TMEM132D: variants seen among roughly 807,000 people sequenced by gnomAD.
The protein encoded by TMEM132D is transmembrane protein 132D.
A neutral mutation model predicts 62.3 loss-of-function variants in TMEM132D; 21 were observed. The ratio of observed to expected loss-of-function variants is 0.34; its 90% CI spans 0.24 to 0.49. The LOEUF (loss-of-function observed/expected upper bound fraction) is 0.49, where lower values mean the gene tolerates loss of function less well. Among genes scored for constraint, TMEM132D ranks in the 20% least tolerant of loss-of-function variants. The pLI, the probability that TMEM132D is intolerant of heterozygous loss-of-function variation, is 0.99. For missense variants in TMEM132D, 1,346 were observed against 1,402.8 expected, an observed-to-expected ratio of 0.96 and a Z score of 0.65; for synonymous variants, 621 against 575.6, an observed-to-expected ratio of 1.08 and a Z score of -1.13.
intron 3 of TMEM132D, among the ~76,000 whole-genome samples, chr12:129,503,047 T>G (rs1875204552): frequency 6.6e-6 from 1 of 152,192 alleles, no homozygotes; most frequent in South Asian, 2.1e-4. Flanking sequence ...CAATAAATAT[T>G]TAACGAGTGA....
At chr12:129,399,071 T>G (rs116499889) in intron 3 of TMEM132D, among the ~76,000 whole-genome samples, 1 of 149,838 alleles carries the variant, frequency 6.7e-6, no homozygotes, top group African/African-American at 2.6e-5. Context: ...AGCACACACA[T>G]GGGACAAGGG....
chr12:129,859,281 C>A (rs1022252760), intron 1 of TMEM132D, among the ~76,000 whole-genome samples: 3 of 152,176 alleles, frequency 2.0e-5, no homozygotes, highest in Non-Finnish European at 4.4e-5. Flanking sequence ...AGCCACCCAT[C>A]TATGGAATTT....
chr12:129,148,693 T>C (rs1876983637), intron 5 of TMEM132D, among the ~76,000 whole-genome samples: 1 of 152,202 alleles, frequency 6.6e-6, no homozygotes, highest in Non-Finnish European at 1.5e-5. Context: ...GGTTATTTGT[T>C]ACAGCAGCAA....
intron 1 of TMEM132D, among the ~76,000 whole-genome samples, chr12:129,875,825 G>C (rs1034060534): frequency 6.6e-6 from 1 of 152,150 alleles, no homozygotes; most frequent in Admixed American, 6.5e-5. Context: ...AAAAAATGTT[G>C]ACAACTCAAT....
intron 2 of TMEM132D, among the ~76,000 whole-genome samples, chr12:129,610,099 G>A (rs1229165393): frequency 7.9e-5 from 12 of 152,066 alleles, no homozygotes; most frequent in Admixed American, 3.3e-4. Flanking sequence ...GTGAAACCAC[G>A]TCTCTACTAA....
At position 129,666,691 on chromosome 12, in the gene TMEM132D, C is replaced by T. The variant is rs371603819; in HGVS notation, c.968+33119G>A. ...AGTCAGACCTTATCTTCATTTCTAT[C>T]TGATGTCCTAGGCTCCACCCCAGTA... On this transcript the variant is annotated intron_variant, in intron 2 of 8. Transcript: ENST00000422113. Among the ~76,000 whole-genome samples the T allele has an allele frequency of 4.6e-5, 7 of 152,142 alleles. No homozygotes were observed. The East Asian group carries it at 7.7e-4, about 17-fold the overall frequency.
intron 5 of TMEM132D, among the ~76,000 whole-genome samples, chr12:129,113,980 C>A (rs1875805979): frequency 6.6e-6 from 1 of 152,016 alleles, no homozygotes. Flanking sequence ...CTGACCACCA[C>A]CCAAGCAAGC....
At chr12:129,457,376 T>G in intron 3 of TMEM132D, among the ~76,000 whole-genome samples, 1 of 134,002 alleles carries the variant, frequency 7.5e-6, no homozygotes, top group African/African-American at 2.8e-5. Flanking sequence ...CACTCATAGG[T>G]GGGAATTGAA....
At chr12:129,770,143 G>GTTTTTTT (rs71082754) in intron 1 of TMEM132D, among the ~76,000 whole-genome samples, 1 of 128,104 alleles carries the variant, frequency 7.8e-6, no homozygotes. Context: ...TTTTTTGGTT[G>GTTTTTTT]TTTTTTTTTT....
intron 3 of TMEM132D, among the ~76,000 whole-genome samples, chr12:129,369,052 C>A (rs1350450413): frequency 1.3e-5 from 2 of 152,172 alleles, no homozygotes; most frequent in Non-Finnish European, 2.9e-5. Context: ...AGCTGTGATA[C>A]CAGCCAAGGA....
chr12:129,715,456 G>A (rs1868536230), intron 1 of TMEM132D, among the ~76,000 whole-genome samples: 1 of 152,312 alleles, frequency 6.6e-6, no homozygotes, highest in Non-Finnish European at 1.5e-5. Context: ...GAAAACTGAT[G>A]CACACCTTTC....
intron 1 of TMEM132D, among the ~76,000 whole-genome samples, chr12:129,764,336 CCA>C (rs1337154301): frequency 6.6e-6 from 1 of 152,022 alleles, no homozygotes; most frequent in Non-Finnish European, 1.5e-5. Flanking sequence ...AGACTTCCAC[CCA>C]AAACTCAAAT....
chr12:129,843,862 G>A (rs1348692582), intron 1 of TMEM132D, among the ~76,000 whole-genome samples: 1 of 152,084 alleles, frequency 6.6e-6, no homozygotes, highest in African/African-American at 2.4e-5. Flanking sequence ...GCCGAGGTGG[G>A]GGGATTGCTT....
intron 3 of TMEM132D, among the ~76,000 whole-genome samples, chr12:129,355,577 A>G (rs917367166): frequency 2.6e-5 from 4 of 152,212 alleles, no homozygotes; most frequent in African/African-American, 9.7e-5. Context: ...CTTTCCTTGG[A>G]GATGTTCTTC....
chr12:129,667,268 T>C (rs1880399897), intron 2 of TMEM132D, among the ~76,000 whole-genome samples: 1 of 152,208 alleles, frequency 6.6e-6, no homozygotes, highest in South Asian at 2.1e-4. Flanking sequence ...AAAAACTAGC[T>C]TTAACATCAA....
chr12:129,510,885 C>T (rs1347693262), intron 3 of TMEM132D, among the ~76,000 whole-genome samples: 1 of 152,128 alleles, frequency 6.6e-6, no homozygotes, highest in Non-Finnish European at 1.5e-5. Context: ...TTCAGGTTCT[C>T]TATTCTGTTC....
intron 4 of TMEM132D, among the ~76,000 whole-genome samples, chr12:129,278,354 C>A (rs1403394186): frequency 6.6e-6 from 1 of 152,124 alleles, no homozygotes; most frequent in Non-Finnish European, 1.5e-5. Context: ...CCAGGCTCTG[C>A]TACATCATGC....
intron 3 of TMEM132D, among the ~76,000 whole-genome samples, chr12:129,404,640 C>T (rs767289122): frequency 5.3e-5 from 8 of 152,118 alleles, no homozygotes; most frequent in Admixed American, 2.0e-4. Flanking sequence ...AGCCATCACA[C>T]GGTGAGAGTG....
At position 129,305,444 on chromosome 12, in the gene TMEM132D, A is replaced by G. The variant is rs1200552014; in HGVS notation, c.1299+32190T>C. On this transcript the variant is annotated intron_variant, in intron 4 of 8. Transcript: ENST00000422113. The stretch of plus-strand genomic sequence containing the variant: ...CCTCATGCCACCTGCAAATAGCAAG[A>G]CATCAAATTATGTATTAGTTACAAT... Among the ~76,000 whole-genome samples, 3 of 152,222 alleles carry G rather than the reference A, an allele frequency of 2.0e-5. No homozygotes were observed. In the East Asian group the frequency reaches 5.8e-4, roughly 29 times the overall value.
Sources: allele counts gnomAD v4.1 joint callset (sites outside exome capture counted in the v4.1 genomes callset), GRCh38; gene constraint gnomAD v4.1.1; transcripts MANE v1.5; gene names NCBI Gene and HGNC (gene_info 2026-07-23, HGNC 2026-07-21).